Variants in SPATA16 observed in about 807,000 individuals in gnomAD.
The protein encoded by SPATA16 is spermatogenesis associated 16, also known as spermatogenesis-associated protein 16.
Under a neutral mutation model 63.3 loss-of-function variants are expected in SPATA16, and 36 were observed. The observed-to-expected ratio is 0.57, with a 90% CI of 0.44 to 0.75. The LOEUF (loss-of-function observed/expected upper bound fraction) is 0.75, where lower values mean the gene tolerates loss of function less well. Among genes scored for constraint, SPATA16 ranks in the 30% least tolerant of loss-of-function variants. The probability of loss-of-function intolerance (pLI) is 0.00; values close to 1 mark genes in which losing one functional copy is unlikely to be tolerated. For synonymous variants in SPATA16, 203 were observed against 216.7 expected (o/e 0.94, Z 0.56); for missense variants, 646 against 679.3 (o/e 0.95, Z 0.54).
intron 2 of SPATA16, among the ~76,000 whole-genome samples, chr3:173,078,897 T>C (rs1475679066): frequency 1.3e-5 from 2 of 152,136 alleles, no homozygotes; most frequent in African/African-American, 2.4e-5. Context: ...TCTTTGGTAA[T>C]GAGGAATAGA....
intron 6 of SPATA16, among the ~76,000 whole-genome samples, chr3:172,938,617 G>C (rs1480721421): frequency 6.6e-6 from 1 of 152,044 alleles, no homozygotes; most frequent in African/African-American, 2.4e-5. Context: ...GTGAAAATGA[G>C]AAAAATATCT....
intron 4 of SPATA16, among the ~76,000 whole-genome samples, chr3:173,002,465 C>T (rs1047725307): frequency 6.6e-6 from 1 of 152,160 alleles, no homozygotes; most frequent in African/African-American, 2.4e-5. Flanking sequence ...AATGGTGGAA[C>T]TAATGCCAGT....
chr3:172,956,655 A>G lies in SPATA16; in HGVS notation c.1081+22T>C, dbSNP rs377088060. On this transcript the variant is annotated intron_variant, in intron 6 of 10. Transcript: ENST00000351008. ...ATTTGAAACAAAATATCAGCTGATAACTTGAAGATATTGAATCTTACCTGT... is the reference window on the plus strand; with the variant it reads ...ATTTGAAACAAAATATCAGCTGATAGCTTGAAGATATTGAATCTTACCTGT... 8.1e-6 allele frequency: 13 copies of G among 1,606,778 alleles called. No individual in the cohort carries two copies. In the African/African-American group the frequency reaches 1.6e-4, roughly 20 times the overall value.
chr3:173,061,891 C>T (rs1243399196), intron 2 of SPATA16, among the ~76,000 whole-genome samples: 2 of 152,148 alleles, frequency 1.3e-5, no homozygotes, highest in Non-Finnish European at 2.9e-5. Flanking sequence ...ATCAGAGTTT[C>T]AGGAGCAATG....
chr3:173,037,315 A>T (rs943333759), intron 3 of SPATA16, among the ~76,000 whole-genome samples: 28 of 152,082 alleles, frequency 1.8e-4, no homozygotes, highest in African/African-American at 6.3e-4. Context: ...AAAAACCAAG[A>T]ACTACTTTCC....
intron 5 of SPATA16, among the ~76,000 whole-genome samples, chr3:172,963,246 G>A (rs1409600401): frequency 1.3e-5 from 2 of 151,994 alleles, no homozygotes; most frequent in Non-Finnish European, 2.9e-5. Flanking sequence ...TGGCAGCTTT[G>A]CCATTACCTC....
intron 2 of SPATA16, among the ~76,000 whole-genome samples, chr3:173,102,986 A>G (rs1737532094): frequency 6.6e-6 from 1 of 152,230 alleles, no homozygotes; most frequent in Non-Finnish European, 1.5e-5. Context: ...AGCCAGAAGA[A>G]AAGGGCTATA....
intron 6 of SPATA16, among the ~76,000 whole-genome samples, chr3:172,931,835 CTG>C (rs893749625): frequency 1.3e-5 from 2 of 152,126 alleles, no homozygotes; most frequent in Non-Finnish European, 2.9e-5. Flanking sequence ...ATAATTTGTA[CTG>C]TGTGACTCAG....
At chr3:172,964,261 T>C (rs901000527) in intron 5 of SPATA16, among the ~76,000 whole-genome samples, 97 of 152,194 alleles carry the variant, frequency 6.4e-4, no homozygotes, top group African/African-American at 2.3e-3. Context: ...GCTTAAATAA[T>C]AACATGCTTA....
rs566456908 is a variant in SPATA16 at position 172,904,284 on chromosome 3, C to T, written c.1587+9377G>A. ...GAAATAAATTTTTCTATAGCTTGTT[C>T]CAATTGTGATAGTTATTCAAAAGCA... is the stretch of plus-strand genomic sequence containing the variant. On this transcript the variant is annotated intron_variant, in intron 10 of 10. Transcript: ENST00000351008. 7.9e-5 allele frequency among the ~76,000 whole-genome samples: 12 copies of T among 152,230 alleles called. No homozygotes were observed. In the South Asian group the frequency reaches 2.5e-3, roughly 32 times the overall value.
intron 10 of SPATA16, among the ~76,000 whole-genome samples, chr3:172,895,005 A>C (rs1022845512): frequency 9.1e-4 from 139 of 152,330 alleles, no homozygotes; most frequent in African/African-American, 3.2e-3. Flanking sequence ...GTTAAAAAAA[A>C]ATTAATTTTG....
At chr3:172,967,251 G>A (rs1733937772) in intron 5 of SPATA16, among the ~76,000 whole-genome samples, 1 of 152,004 alleles carries the variant, frequency 6.6e-6, no homozygotes, top group African/African-American at 2.4e-5. Context: ...TCCTCCCATA[G>A]AAACCATCAG....
rs540658411 is a variant in SPATA16 at position 172,989,267 on chromosome 3, G to A, written c.849-12215C>T. ...TACACAGTTTATCTAGAGATAAGTAGGTAATTTCAGGGACATCAAAACATA... is the reference window on the plus strand; with the variant it reads ...TACACAGTTTATCTAGAGATAAGTAAGTAATTTCAGGGACATCAAAACATA... On this transcript the variant is annotated intron_variant, in intron 4 of 10. Transcript: ENST00000351008. 1.2e-4 allele frequency among the ~76,000 whole-genome samples: 18 copies of A among 152,158 alleles called. No homozygotes were observed. The East Asian group carries it at 3.1e-3, about 26-fold the overall frequency.
chr3:172,902,848 T>A (rs995505113), intron 10 of SPATA16, among the ~76,000 whole-genome samples: 1 of 152,194 alleles, frequency 6.6e-6, no homozygotes, highest in Admixed American at 6.5e-5. Flanking sequence ...CTTGTCCCCT[T>A]CTCCACAGGT....
chr3:173,054,418 A>G lies in SPATA16; in HGVS notation c.613-5324T>C, dbSNP rs150780854. 3.3e-3 allele frequency among the ~76,000 whole-genome samples: 510 copies of G among 152,330 alleles called. 4 individuals are homozygous for G. The highest frequency in any genetic ancestry group is 0.012 in the African/African-American group (481 of 41,566). ...ATCAATGATAGACTGGATAAAGAAA[A>G]TGTGATACATATACACCATGGAACA... On this transcript the variant is annotated intron_variant, in intron 2 of 10. Coordinates refer to ENST00000351008, the MANE Select transcript of SPATA16 (RefSeq NM_031955.6).
chr3:172,958,790 CGTGT>C (rs1169476231), intron 5 of SPATA16, among the ~76,000 whole-genome samples: 1 of 151,162 alleles, frequency 6.6e-6, no homozygotes, highest in Admixed American at 6.6e-5. Flanking sequence ...TGTGCACGCA[CGTGT>C]GTGTGTGTGT....
intron 4 of SPATA16, among the ~76,000 whole-genome samples, chr3:173,002,562 T>C (rs1734849958): frequency 6.6e-6 from 1 of 152,166 alleles, no homozygotes; most frequent in Non-Finnish European, 1.5e-5. Context: ...TATTCTGATT[T>C]GGAATTCAAG....
At chr3:173,033,962 C>T (rs959928717) in intron 3 of SPATA16, among the ~76,000 whole-genome samples, 1 of 152,140 alleles carries the variant, frequency 6.6e-6, no homozygotes, top group African/African-American at 2.4e-5. Context: ...GCCTCAGCCT[C>T]CCAAAGAGCT....
At chr3:172,920,193 G>A (rs969616355) in intron 8 of SPATA16, among the ~76,000 whole-genome samples, 1 of 152,322 alleles carries the variant, frequency 6.6e-6, no homozygotes, top group African/African-American at 2.4e-5. Flanking sequence ...ACTACTCTGA[G>A]CCACAGTTTC....
Sources: allele counts gnomAD v4.1 joint callset (sites outside exome capture counted in the v4.1 genomes callset), GRCh38; gene constraint gnomAD v4.1.1; transcripts MANE v1.5; gene names NCBI Gene and HGNC (gene_info 2026-07-23, HGNC 2026-07-21).